The following PHACTR1 variants were observed in gnomAD, a reference collection of about 807,000 sequenced individuals.
PHACTR1 encodes the protein RPEL repeat containing 1.
Under a neutral mutation model 69.2 loss-of-function variants are expected in PHACTR1, and 16 were observed. That is an observed-to-expected ratio of 0.23 (90% confidence interval 0.16 to 0.35). The LOEUF is 0.35. PHACTR1 is among the 10% of genes least tolerant of loss of function. The pLI is 1.00. For missense variants in PHACTR1, 510 were observed against 734.7 expected, an observed-to-expected ratio of 0.69 and a Z score of 3.54; for synonymous variants, 312 against 284.5, an observed-to-expected ratio of 1.10 and a Z score of -0.97.
intron 4 of PHACTR1, among the ~76,000 whole-genome samples, chr6:13,006,263 G>A (rs1204399497): frequency 1.3e-5 from 2 of 152,212 alleles, no homozygotes; most frequent in African/African-American, 4.8e-5. Flanking sequence ...TCCTGTGCCT[G>A]TAGTCCGATA....
At chr6:12,848,117 G>A (rs1265331348) in intron 4 of PHACTR1, among the ~76,000 whole-genome samples, 2 of 152,018 alleles carry the variant, frequency 1.3e-5, no homozygotes, top group African/African-American at 4.8e-5. Flanking sequence ...TTGATGCCAT[G>A]CACCGAGATT....
chr6:12,855,571 T>C (rs79286987), intron 4 of PHACTR1, among the ~76,000 whole-genome samples: 2,455 of 152,260 alleles, frequency 0.016, 29 homozygotes, highest in Non-Finnish European at 0.024. Context: ...ATGTTCTCAT[T>C]TATAAGTGGG....
At chr6:12,888,217 A>G (rs1198403203) in intron 4 of PHACTR1, among the ~76,000 whole-genome samples, 1 of 151,926 alleles carries the variant, frequency 6.6e-6, no homozygotes, top group Non-Finnish European at 1.5e-5. Context: ...CTTTTGCCAC[A>G]TGGGGATACA....
At chr6:13,072,671 A>T (rs1252066188) in intron 5 of PHACTR1, among the ~76,000 whole-genome samples, 1 of 152,188 alleles carries the variant, frequency 6.6e-6, no homozygotes, top group Non-Finnish European at 1.5e-5. Flanking sequence ...ACCTTGCCAC[A>T]AACATGTATG....
chr6:12,963,131 T>A (rs1265771351), intron 4 of PHACTR1, among the ~76,000 whole-genome samples: 2 of 152,230 alleles, frequency 1.3e-5, no homozygotes, highest in African/African-American at 4.8e-5. Flanking sequence ...AGACAGGAAG[T>A]CCAGCTCATA....
intron 4 of PHACTR1, chr6:12,933,699 C>T (rs927266124): frequency 6.2e-6 from 10 of 1,612,718 alleles, no homozygotes; most frequent in Non-Finnish European, 8.5e-6. Flanking sequence ...CTTGGGCGTC[C>T]TCTTGGGCTC....
Position 12,886,744 on chromosome 6 carries a change from CA to C in PHACTR1, c.250+136955del, listed in dbSNP as rs549403295. On this transcript the variant is annotated intron_variant, in intron 4 of 14. Coordinates refer to ENST00000332995, the MANE Select transcript of PHACTR1 (RefSeq NM_030948.6). ...CACCTGATGCTGAAAGGAGAGAAGA[CA>C]GGGGAGAAGTGCTCTTTCGTTTTTT... 2.5e-3 allele frequency among the ~76,000 whole-genome samples: 377 copies of C among 152,206 alleles called. 2 individuals carry two copies. Among genetic ancestry groups the C allele is most frequent in the Non-Finnish European group, 3.4e-3 (229 of 68,028 alleles).
chr6:12,866,681 C>T (rs1299075416), intron 4 of PHACTR1, among the ~76,000 whole-genome samples: 6 of 152,194 alleles, frequency 3.9e-5, no homozygotes, highest in African/African-American at 1.4e-4. Flanking sequence ...TAAGGAGGCT[C>T]TGCAGGGTGC....
chr6:13,073,375 A>T (rs150195261), intron 5 of PHACTR1, among the ~76,000 whole-genome samples: 2,008 of 105,600 alleles, frequency 0.019, 46 homozygotes, highest in African/African-American at 0.067. Context: ...ACAGAGTCTC[A>T]CTCTGTCACC....
intron 5 of PHACTR1, among the ~76,000 whole-genome samples, chr6:13,149,247 C>T (rs1823929260): frequency 6.6e-6 from 1 of 152,130 alleles, no homozygotes; most frequent in African/African-American, 2.4e-5. Flanking sequence ...ATAAAAGGGT[C>T]ATATTGTCCA....
intron 10 of PHACTR1, among the ~76,000 whole-genome samples, chr6:13,231,513 A>G (rs1771195751): frequency 6.6e-6 from 1 of 152,258 alleles, no homozygotes; most frequent in Non-Finnish European, 1.5e-5. Flanking sequence ...TCCATCATGT[A>G]ATAGAATTGA....
At chr6:12,749,261 G>A (rs116572618) in intron 3 of PHACTR1, among the ~76,000 whole-genome samples, 3,064 of 152,306 alleles carry the variant, frequency 0.02, 101 homozygotes, top group African/African-American at 0.069. Context: ...TTTCGCAAGA[G>A]CCTATCTGTG....
intron 5 of PHACTR1, among the ~76,000 whole-genome samples, chr6:13,104,145 A>G (rs888189457): frequency 1.3e-5 from 2 of 152,098 alleles, no homozygotes; most frequent in Admixed American, 6.5e-5. Flanking sequence ...TTTTCCATGA[A>G]AGTTTATTTT....
chr6:13,252,327 CAAAAAAA>C (rs373475742), intron 10 of PHACTR1, among the ~76,000 whole-genome samples: 1 of 82,590 alleles, frequency 1.2e-5, no homozygotes, highest in Non-Finnish European at 3.1e-5. Context: ...GATCCTGTCT[CAAAAAAA>C]AAAAAAAAAG....
intron 4 of PHACTR1, among the ~76,000 whole-genome samples, chr6:12,856,770 C>T (rs1780414060): frequency 6.6e-6 from 1 of 152,156 alleles, no homozygotes; most frequent in Non-Finnish European, 1.5e-5. Flanking sequence ...GGTGAAAGAA[C>T]GGTGATATGC....
chr6:12,904,221 C>T (rs1167952175), intron 4 of PHACTR1, among the ~76,000 whole-genome samples: 1 of 152,134 alleles, frequency 6.6e-6, no homozygotes, highest in African/African-American at 2.4e-5. Flanking sequence ...TTTAGCATTT[C>T]CTTTTGTCTT....
chr6:13,199,383 C>CAAAAAAA, intron 7 of PHACTR1, among the ~76,000 whole-genome samples: 1 of 78,252 alleles, frequency 1.3e-5, no homozygotes, highest in Non-Finnish European at 2.2e-5. Context: ...GAGTCCATCT[C>CAAAAAAA]AAAAAAAAAA....
intron 4 of PHACTR1, among the ~76,000 whole-genome samples, chr6:12,874,850 C>T (rs1426431273): frequency 6.6e-6 from 1 of 152,156 alleles, no homozygotes; most frequent in Non-Finnish European, 1.5e-5. Context: ...ATATGCTTTG[C>T]TTATGTCAGC....
At chr6:13,013,460 C>T (rs1218420745) in intron 4 of PHACTR1, among the ~76,000 whole-genome samples, 2 of 152,192 alleles carry the variant, frequency 1.3e-5, no homozygotes, top group Non-Finnish European at 2.9e-5. Flanking sequence ...TGCTTTCATT[C>T]GGCAGCTTTA....
Sources: gnomAD v4.1 joint callset for allele counts (sites outside exome capture counted in the v4.1 genomes callset) on GRCh38, gnomAD v4.1.1 for gene constraint, MANE v1.5 for transcripts, NCBI Gene and HGNC (gene_info 2026-07-23, HGNC 2026-07-21) for gene names.